The following PRKN variants were observed in gnomAD, a reference collection of about 807,000 sequenced individuals.
PRKN encodes parkin RBR E3 ubiquitin protein ligase, also known as E3 ubiquitin-protein ligase parkin.
In PRKN, 56 loss-of-function variants were observed where a neutral mutation model predicts 59.5. The ratio of observed to expected loss-of-function variants is 0.94; its 90% CI spans 0.76 to 1.18. The LOEUF (loss-of-function observed/expected upper bound fraction) is 1.18. PRKN is among the 50% of genes most tolerant of loss of function. The pLI is 0.00. For missense variants in PRKN, 657 were observed against 596.4 expected, an observed-to-expected ratio of 1.10 and a Z score of -1.06; for synonymous variants, 250 against 222.1, an observed-to-expected ratio of 1.13 and a Z score of -1.12.
intron 10 of PRKN, among the ~76,000 whole-genome samples, chr6:161,368,588 A>G (rs901491769): frequency 6.6e-6 from 1 of 151,380 alleles, no homozygotes; most frequent in African/African-American, 2.4e-5. Flanking sequence ...TACCACCACC[A>G]CCAGCACCCA....
chr6:162,112,162 G>A (rs1247011857), intron 4 of PRKN, among the ~76,000 whole-genome samples: 1 of 152,170 alleles, frequency 6.6e-6, no homozygotes, highest in South Asian at 2.1e-4. Context: ...GTGAAAACTC[G>A]AATATCTTTG....
intron 2 of PRKN, among the ~76,000 whole-genome samples, chr6:162,417,952 G>C (rs762315359): frequency 6.6e-6 from 1 of 152,124 alleles, no homozygotes; most frequent in Non-Finnish European, 1.5e-5. Context: ...ACAGCCTGAG[G>C]GTTCTGTAAA....
chr6:161,569,883 C>T (rs3818005), intron 7 of PRKN, among the ~76,000 whole-genome samples: 4 of 151,766 alleles, frequency 2.6e-5, no homozygotes, highest in Admixed American at 6.6e-5. Context: ...CGGGTAGCTA[C>T]ACATCCATTC....
At chr6:161,752,522 C>G (rs149240650) in intron 7 of PRKN, among the ~76,000 whole-genome samples, 1 of 151,900 alleles carries the variant, frequency 6.6e-6, no homozygotes. Context: ...GGGGAAACCC[C>G]GTCTGCATAA....
At chr6:162,573,469 G>A (rs959299606) in intron 1 of PRKN, among the ~76,000 whole-genome samples, 1 of 152,076 alleles carries the variant, frequency 6.6e-6, no homozygotes, top group African/African-American at 2.4e-5. Context: ...AAACCTCCTC[G>A]TTGTGACAAC....
chr6:162,127,150 A>C (rs557592767), intron 4 of PRKN, among the ~76,000 whole-genome samples: 3 of 152,262 alleles, frequency 2.0e-5, no homozygotes, highest in Non-Finnish European at 4.4e-5. Flanking sequence ...ACTGTCAGAT[A>C]ATCTTGGTGA....
intron 1 of PRKN, among the ~76,000 whole-genome samples, chr6:162,531,674 G>A (rs1292788877): frequency 6.6e-6 from 1 of 152,128 alleles, no homozygotes; most frequent in Non-Finnish European, 1.5e-5. Flanking sequence ...GGCAGTTTAG[G>A]GAGGGTCAGA....
chr6:162,298,912 G>A (rs1781816118), intron 2 of PRKN, among the ~76,000 whole-genome samples: 1 of 152,144 alleles, frequency 6.6e-6, no homozygotes, highest in Non-Finnish European at 1.5e-5. Context: ...GGGCCTTGAT[G>A]TGGGAGCAGA....
intron 4 of PRKN, among the ~76,000 whole-genome samples, chr6:162,154,576 T>C (rs1782422091): frequency 6.6e-6 from 1 of 151,944 alleles, no homozygotes; most frequent in Admixed American, 6.6e-5. Context: ...AAATGGCACT[T>C]GCCCAGGTCT....
chr6:161,895,000 CTGTTA>C (rs1777558795), intron 6 of PRKN, among the ~76,000 whole-genome samples: 2 of 152,186 alleles, frequency 1.3e-5, no homozygotes, highest in African/African-American at 4.8e-5. Flanking sequence ...TGACCTCACT[CTGTTA>C]TAACAATATT....
At chr6:161,891,213 G>T (rs566689913) in intron 6 of PRKN, among the ~76,000 whole-genome samples, 1 of 152,138 alleles carries the variant, frequency 6.6e-6, no homozygotes, top group African/African-American at 2.4e-5. Flanking sequence ...GGGCCACAGC[G>T]CCTCCCCTTC....
chr6:162,175,148 C>A (rs1783473580), intron 4 of PRKN, among the ~76,000 whole-genome samples: 1 of 152,196 alleles, frequency 6.6e-6, no homozygotes, highest in South Asian at 2.1e-4. Flanking sequence ...ATCTTGTACA[C>A]CTTGTTGTCT....
At chr6:162,338,210 G>C (rs1394675896) in intron 2 of PRKN, among the ~76,000 whole-genome samples, 1 of 152,092 alleles carries the variant, frequency 6.6e-6, no homozygotes, top group Non-Finnish European at 1.5e-5. Flanking sequence ...AGGCTAATAG[G>C]TAAATCTAAA....
rs1292432185 is a variant in PRKN at position 161,354,739 on chromosome 6, G to A, written c.1286-4528C>T. On this transcript the variant is annotated intron_variant, in intron 11 of 11. Coordinates refer to ENST00000366898, the MANE Select transcript of PRKN (RefSeq NM_004562.3). The surrounding 1 kb of genome is among the most constrained non-coding windows in gnomAD (Gnocchi z 6.7). ...CATCCTTGGTCATAGAGGCTATGTC[G>A]GTTTCGGTTACAGTGATGCACTTTT... Among the ~76,000 whole-genome samples the A allele has an allele frequency of 2.0e-5, 3 of 152,146 alleles. No homozygotes were observed. In the South Asian group the frequency reaches 6.2e-4, roughly 32 times the overall value.
intron 1 of PRKN, among the ~76,000 whole-genome samples, chr6:162,694,116 G>A (rs1268460068): frequency 6.6e-6 from 1 of 151,790 alleles, no homozygotes; most frequent in Non-Finnish European, 1.5e-5. Flanking sequence ...GCATGGTGGC[G>A]GGCACCTGTA....
rs987062735 is a variant in PRKN at position 161,471,179 on chromosome 6, C to G, written c.1083+77675G>C. 6.6e-6 allele frequency among the ~76,000 whole-genome samples: 1 copy of G among 152,028 alleles called. No individual in the cohort carries two copies. Among genetic ancestry groups the G allele is most frequent in the South Asian group, 2.1e-4 (1 of 4,820 alleles). ...CACTCCCTCTCAATAGAGGGAGAGA[C>G]AGAGAAAGGCCAGGTAATGAATAGA... is the stretch of plus-strand genomic sequence containing the variant. On this transcript the variant is annotated intron_variant, in intron 9 of 11. Coordinates refer to ENST00000366898, the MANE Select transcript of PRKN (RefSeq NM_004562.3). This position sits in a 1 kb window ranked among gnomAD's most constrained non-coding sequence, Gnocchi z 4.5.
rs1369589394 is a variant in PRKN, at chr6:161,359,120, C to T, written c.1285+968G>A. 6.6e-6 allele frequency among the ~76,000 whole-genome samples: 1 copy of T among 152,086 alleles called. No homozygotes were observed. Among genetic ancestry groups the T allele is most frequent in the Non-Finnish European group, 1.5e-5 (1 of 68,010 alleles). On this transcript the variant is annotated intron_variant, in intron 11 of 11. Coordinates refer to ENST00000366898, the MANE Select transcript of PRKN (RefSeq NM_004562.3). This position sits in a 1 kb window ranked among gnomAD's most constrained non-coding sequence, Gnocchi z 5.4. Reference sequence around the variant, plus strand: ...CCTTCTGCTCTTTATAGGTGCATGCCAATCCCTTCATTTTCTAGGAGCACT... The same window carrying T: ...CCTTCTGCTCTTTATAGGTGCATGCTAATCCCTTCATTTTCTAGGAGCACT...
chr6:161,867,590 T>C (rs377146775), intron 6 of PRKN, among the ~76,000 whole-genome samples: 1 of 152,116 alleles, frequency 6.6e-6, no homozygotes, highest in African/African-American at 2.4e-5. Context: ...GTGGTAATGA[T>C]GATGTCTGTT....
intron 6 of PRKN, among the ~76,000 whole-genome samples, chr6:161,889,770 A>C (rs1795276545): frequency 6.6e-6 from 1 of 152,228 alleles, no homozygotes; most frequent in African/African-American, 2.4e-5. Flanking sequence ...GCATTCAATA[A>C]ATGTAAACTT....
Sources: allele counts gnomAD v4.1 joint callset (sites outside exome capture counted in the v4.1 genomes callset), GRCh38; gene constraint gnomAD v4.1.1; non-coding constraint Gnocchi (gnomAD v3.1); transcripts MANE v1.5; gene names NCBI Gene and HGNC (gene_info 2026-07-23, HGNC 2026-07-21).